The following WWC1 variants were observed in gnomAD, a reference collection of about 807,000 sequenced individuals.
The protein encoded by WWC1 is protein KIBRA.
WWC1 carries 55 observed loss-of-function variants against 138.4 expected under a neutral mutation model. The observed-to-expected ratio is 0.40, with a 90% CI of 0.32 to 0.50. The LOEUF (loss-of-function observed/expected upper bound fraction) is 0.50, where lower values mean the gene tolerates loss of function less well. Among genes scored for constraint, WWC1 ranks in the 20% least tolerant of loss-of-function variants. WWC1 has a pLI of 0.72. For missense variants in WWC1, 1,226 were observed against 1,420.4 expected (o/e 0.86, Z 2.20); for synonymous variants, 524 against 564.9 (o/e 0.93, Z 1.03).
chr5:168,296,706 A>G (rs1769565489), intron 1 of WWC1, among the ~76,000 whole-genome samples: 1 of 152,218 alleles, frequency 6.6e-6, no homozygotes, highest in Admixed American at 6.5e-5. Context: ...GGGACTAGGT[A>G]CAATTATTAC....
At chr5:168,356,457 A>T (rs560229878) in intron 1 of WWC1, among the ~76,000 whole-genome samples, 1 of 152,232 alleles carries the variant, frequency 6.6e-6, no homozygotes, top group African/African-American at 2.4e-5. Flanking sequence ...GGTGTCATAC[A>T]TCGGTGTCAG....
intron 4 of WWC1, among the ~76,000 whole-genome samples, chr5:168,398,229 A>T (rs956577646): frequency 2.0e-4 from 30 of 151,844 alleles, no homozygotes; most frequent in African/African-American, 7.3e-4. Flanking sequence ...TCAGCCTCCC[A>T]AGTAGCTGGG....
At chr5:168,406,773 C>G (rs952410173) in intron 6 of WWC1, among the ~76,000 whole-genome samples, 2 of 151,918 alleles carry the variant, frequency 1.3e-5, no homozygotes, top group African/African-American at 4.8e-5. Flanking sequence ...AACCCCGTCT[C>G]TACTAAAAAA....
chr5:168,403,900 A>G (rs1779580745), intron 5 of WWC1, among the ~76,000 whole-genome samples: 2 of 150,654 alleles, frequency 1.3e-5, no homozygotes, highest in Admixed American at 1.3e-4. Flanking sequence ...ACACACACAC[A>G]CACACACACA....
intron 19 of WWC1, among the ~76,000 whole-genome samples, chr5:168,456,567 T>TTGCA (rs1257149308): frequency 6.6e-6 from 1 of 151,554 alleles, no homozygotes; most frequent in Admixed American, 6.6e-5. Flanking sequence ...GGGGCAGAGG[T>TTGCA]TGCAGTAAGC....
chr5:168,329,689 C>A (rs1243362899), intron 1 of WWC1, among the ~76,000 whole-genome samples: 1 of 152,178 alleles, frequency 6.6e-6, no homozygotes, highest in African/African-American at 2.4e-5. Flanking sequence ...GTTAGGAAAG[C>A]CTGCTTTGCT....
chr5:168,329,631 C>G (rs1037381286), intron 1 of WWC1, among the ~76,000 whole-genome samples: 1 of 152,112 alleles, frequency 6.6e-6, no homozygotes, highest in Non-Finnish European at 1.5e-5. Flanking sequence ...GAGTTAGAAC[C>G]TTTTTGCCAG....
At chr5:168,300,950 C>G (rs1027590567) in intron 1 of WWC1, among the ~76,000 whole-genome samples, 1 of 152,190 alleles carries the variant, frequency 6.6e-6, no homozygotes, top group Non-Finnish European at 1.5e-5. Context: ...CTTGGAGAGT[C>G]GGGCTGTGAG....
At chr5:168,347,218 T>G (rs1024129303) in intron 1 of WWC1, among the ~76,000 whole-genome samples, 4 of 152,180 alleles carry the variant, frequency 2.6e-5, no homozygotes, top group African/African-American at 9.6e-5. Flanking sequence ...TGACTGTAGA[T>G]GGGTGCTGTG....
chr5:168,434,362 G>A (rs1448347755), intron 15 of WWC1, among the ~76,000 whole-genome samples: 1 of 106,664 alleles, frequency 9.4e-6, no homozygotes, highest in Admixed American at 9.2e-5. Context: ...AGTGAGATGG[G>A]AGGAAAAAGG....
At chr5:168,320,742 A>C (rs28589509) in intron 1 of WWC1, among the ~76,000 whole-genome samples, 9,655 of 152,102 alleles carry the variant, frequency 0.063, 1,048 homozygotes, top group African/African-American at 0.22. Flanking sequence ...GGCTGAAATG[A>C]GATGGTGGCT....
intron 1 of WWC1, among the ~76,000 whole-genome samples, chr5:168,361,314 G>A (rs1308581465): frequency 6.6e-6 from 1 of 152,116 alleles, no homozygotes. Context: ...AGCAGGGTGA[G>A]GAGCAAAAAG....
chr5:168,367,148 G>C (rs950582299), intron 1 of WWC1, among the ~76,000 whole-genome samples: 2 of 151,882 alleles, frequency 1.3e-5, no homozygotes, highest in African/African-American at 4.8e-5. Context: ...GATTTCCCAG[G>C]TCTATTGAAT....
At position 168,431,235 on chromosome 5, in the gene WWC1, G is replaced by T; in HGVS notation, c.2088-17G>T. Reference sequence around the variant, plus strand: ...ATGGGCTGACCCAAGATTTCCTGCGGTTCTGTCTCCCTCTAGGAATATCCG... The same window carrying T: ...ATGGGCTGACCCAAGATTTCCTGCGTTTCTGTCTCCCTCTAGGAATATCCG... On this transcript the variant is annotated splice_polypyrimidine_tract_variant and intron_variant, in intron 14 of 22. Coordinates refer to ENST00000265293, the MANE Select transcript of WWC1 (RefSeq NM_015238.3). The T allele has an allele frequency of 2.5e-6, 4 of 1,599,042 alleles. No homozygotes were observed. Among genetic ancestry groups the T allele is most frequent in the Non-Finnish European group, 3.4e-6 (4 of 1,172,018 alleles).
rs189068728 is a variant in WWC1 at position 168,438,221 on chromosome 5, C to T, written c.2281-3461C>T. On this transcript the variant is annotated intron_variant, in intron 15 of 22. Coordinates refer to ENST00000265293, the MANE Select transcript of WWC1 (RefSeq NM_015238.3). ...TCCCAGACCTAGCACAGCCCTGCCACGTTCCAGTGCATCTTGATGAATTGT... is the reference window on the plus strand; with the variant it reads ...TCCCAGACCTAGCACAGCCCTGCCATGTTCCAGTGCATCTTGATGAATTGT... Among the ~76,000 whole-genome samples the T allele has an allele frequency of 1.2e-3, 186 of 152,240 alleles. 1 individual carries two copies. Among genetic ancestry groups the T allele is most frequent in the South Asian group, 3.5e-3 (17 of 4,822 alleles).
Position 168,408,558 on chromosome 5 carries a change from G to C in WWC1, c.772G>C (p.Asp258His). 1 of 1,614,226 alleles carries C rather than the reference G, an allele frequency of 6.2e-7. No individual in the cohort carries two copies. Among genetic ancestry groups the C allele is most frequent in the Non-Finnish European group, 8.5e-7 (1 of 1,180,030 alleles). The change falls in exon 7 of 23, where the codon GAC becomes CAC. Residue 258 changes from aspartate to histidine, a missense_variant. Around this residue, in one of 3 missense-constraint regions of WWC1, gnomAD observed 1,016 missense variants for 1,153.9 expected, o/e 0.88. Transcript: ENST00000265293. ...CCGCACTGACAGGGGGTCTCACTCA[G>C]ACCTGTGGTCCAGCAGCAGCTCTCT... The part of the protein sequence containing the change: ...GFRTDRGSHS[D>H]LWSSSSSLES...
intron 2 of WWC1, among the ~76,000 whole-genome samples, chr5:168,372,022 C>CGAGAGA (rs10602598): frequency 1.4e-5 from 2 of 145,712 alleles, no homozygotes; most frequent in African/African-American, 5.1e-5. Flanking sequence ...AGTGAATTGG[C>CGAGAGA]GAGAGAGAGA....
chr5:168,447,983 A>G (rs1174861276), intron 17 of WWC1, among the ~76,000 whole-genome samples: 1 of 152,174 alleles, frequency 6.6e-6, no homozygotes, highest in Non-Finnish European at 1.5e-5. Flanking sequence ...AAACCCTGGC[A>G]CAAGATCAGT....
At chr5:168,308,062 A>G (rs1174274112) in intron 1 of WWC1, among the ~76,000 whole-genome samples, 1 of 152,220 alleles carries the variant, frequency 6.6e-6, no homozygotes, top group Admixed American at 6.5e-5. Context: ...CTTGCCCAAT[A>G]GAACATCCTT....
Sources: allele counts gnomAD v4.1 joint callset (sites outside exome capture counted in the v4.1 genomes callset), GRCh38; gene constraint gnomAD v4.1.1; regional missense constraint gnomAD v4.1.1; transcripts MANE v1.5; gene names NCBI Gene and HGNC (gene_info 2026-07-23, HGNC 2026-07-21).